SDK2: variants seen among roughly 807,000 people sequenced by gnomAD.
The protein encoded by SDK2 is sidekick cell adhesion molecule 2.
Under a neutral mutation model 253.9 loss-of-function variants are expected in SDK2, and 105 were observed. The ratio of observed to expected loss-of-function variants is 0.41; its 90% confidence interval spans 0.35 to 0.49. SDK2 has a LOEUF of 0.49. Among genes scored for constraint, SDK2 ranks in the 20% least tolerant of loss-of-function variants. The pLI is 0.06. For missense variants in SDK2, 2,608 were observed against 3,003.0 expected (o/e 0.87, Z 3.07); for synonymous variants, 1,249 against 1,234.9 (o/e 1.01, Z -0.24).
Position 73,570,356 on chromosome 17 carries a change from C to T in SDK2, c.65-62759G>A, listed in dbSNP as rs780690897. 2.6e-5 allele frequency among the ~76,000 whole-genome samples: 4 copies of T among 152,194 alleles called. No individual in the cohort carries two copies. The highest frequency in any genetic ancestry group is 5.9e-5 in the Non-Finnish European group (4 of 68,034). Reference sequence around the variant, plus strand: ...AGCTCCTGGCTCTGTTTTCTCAAATCGCAGCAGAGCATATGCTCAATAAAG... The same window carrying T: ...AGCTCCTGGCTCTGTTTTCTCAAATTGCAGCAGAGCATATGCTCAATAAAG... On this transcript the variant is annotated intron_variant, in intron 1 of 44. Transcript: ENST00000392650. The surrounding 1 kb of genome is among the most constrained non-coding windows in gnomAD (Gnocchi z 4.2).
chr17:73,397,437 A>G (rs7406467), intron 24 of SDK2, among the ~76,000 whole-genome samples: 56,347 of 151,480 alleles, frequency 0.37, 11,169 homozygotes, highest in East Asian at 0.64. Flanking sequence ...GATACGGGAG[A>G]ACTTGGGCGA....
chr17:73,391,563 C>T, intron 27 of SDK2, 25 bp from the exon 28 acceptor site: 2 of 1,227,304 alleles, frequency 1.6e-6, no homozygotes, highest in Non-Finnish European at 2.1e-6. Flanking sequence ...GGAGAGGAGG[C>T]CGACCCATGA....
Position 73,368,663 on chromosome 17 carries a change from C to T in SDK2, c.4981-70G>A. 4 of 1,324,798 alleles carry T rather than the reference C, an allele frequency of 3.0e-6. No individual in the cohort carries two copies. In the South Asian group the frequency reaches 6.2e-5, roughly 20 times the overall value. The allele number at this position is 1,324,798 out of a possible 1,614,324, so 82.1% of individuals were successfully genotyped here. ...GAGAGTCCCTCCTGTCCCTGCTGAC[C>T]TGTAGTCTCAGAGACACCTTCATTG... On this transcript the variant is annotated intron_variant, in intron 36 of 44. Transcript: ENST00000392650.
rs1027479274 is a variant in SDK2 at position 73,395,787 on chromosome 17, T to G, written c.3355-395A>C. 2.0e-5 allele frequency among the ~76,000 whole-genome samples: 3 copies of G among 152,232 alleles called. No homozygotes were observed. The highest frequency in any genetic ancestry group is 2.9e-5 in the Non-Finnish European group (2 of 68,032). On this transcript the variant is annotated intron_variant, in intron 24 of 44. Coordinates refer to ENST00000392650, the MANE Select transcript of SDK2 (RefSeq NM_001144952.2). This position sits in a 1 kb window ranked among gnomAD's most constrained non-coding sequence, Gnocchi z 4.3. ...CACACACTTAATTGCCTACCGCACCTGGTCTCAGCTCATGCCTGCCTTTGA... is the reference window on the plus strand; with the variant it reads ...CACACACTTAATTGCCTACCGCACCGGGTCTCAGCTCATGCCTGCCTTTGA...
chr17:73,390,512 C>A, intron 28 of SDK2, 31 bp from the exon 29 acceptor site: 1 of 1,574,674 alleles, frequency 6.4e-7, no homozygotes, highest in Non-Finnish European at 8.6e-7. Context: ...GCTATTATGG[C>A]AAGCAAGGCA....
chr17:73,416,148 C>T (rs1252841246), intron 16 of SDK2, among the ~76,000 whole-genome samples, 156 bp from the exon 17 acceptor site: 3 of 151,462 alleles, frequency 2.0e-5, no homozygotes, highest in African/African-American at 7.3e-5. Flanking sequence ...CCAGCACATG[C>T]AGCTGCTGAG....
chr17:73,611,046 T>C (rs2045967853), intron 1 of SDK2, among the ~76,000 whole-genome samples: 1 of 152,230 alleles, frequency 6.6e-6, no homozygotes, highest in Admixed American at 6.5e-5. Flanking sequence ...AGTCTGAAAT[T>C]GCATTTTGCT....
intron 5 of SDK2, 22 bp from the exon 6 acceptor site, chr17:73,440,945 G>C (rs1378733420): frequency 6.6e-7 from 1 of 1,506,902 alleles, no homozygotes. Flanking sequence ...TCAGATGTTA[G>C]CTGGGGGCGA....
At chr17:73,420,990 C>T (rs549167898) in intron 15 of SDK2, among the ~76,000 whole-genome samples, 23 of 152,294 alleles carry the variant, frequency 1.5e-4, no homozygotes, top group Middle Eastern at 3.4e-3. Context: ...TGACTCAGGG[C>T]GGTTTGCATG....
intron 15 of SDK2, among the ~76,000 whole-genome samples, chr17:73,420,372 C>T (rs1202898652): frequency 2.0e-5 from 3 of 152,240 alleles, no homozygotes; most frequent in East Asian, 3.8e-4. Flanking sequence ...TGCTCTTTCG[C>T]CCAGGCTGGA....
At chr17:73,495,887 C>T (rs2063838594) in intron 2 of SDK2, among the ~76,000 whole-genome samples, 1 of 152,204 alleles carries the variant, frequency 6.6e-6, no homozygotes, top group Non-Finnish European at 1.5e-5. Context: ...ATGCCACGTA[C>T]ATCTCTATTA....
chr17:73,433,913 AG>A lies in SDK2; in HGVS notation c.1196-66del, dbSNP rs968029658. The A allele has an allele frequency of 4.7e-5, 56 of 1,182,162 alleles. No individual in the cohort carries two copies. In the African/African-American group the frequency reaches 8.2e-4, roughly 17 times the overall value. 73.2% of individuals were successfully genotyped at this position (1,182,162 alleles called of 1,614,324 possible). On this transcript the variant is annotated intron_variant, in intron 9 of 44. Coordinates refer to ENST00000392650, the MANE Select transcript of SDK2 (RefSeq NM_001144952.2). ...GAGATGTCCCCCAAGCCAGAGGGCC[AG>A]GGGCCTCCAAGCCCACCGAGGGCCA...
At chr17:73,416,085 C>A in intron 16 of SDK2, 93 bp from the exon 17 acceptor site, 1 of 1,206,086 alleles carries the variant, frequency 8.3e-7, no homozygotes, top group South Asian at 1.5e-5. Context: ...TCCAATAGGA[C>A]TTCCGGTGGT....
chr17:73,415,916 C>G lies in SDK2; in HGVS notation c.2263G>C (p.Glu755Gln), dbSNP rs768931276. ...TDADVNNLLL[E>Q]DLIIWTNYEI... ...TAGTTGGTCCAAATGATGAGATCCT[C>G]CAGCAGCAGGTTGTTCACATCAGCA... The change falls in exon 17 of 45, where the codon GAG becomes CAG. Residue 755 changes from glutamate to glutamine, a missense_variant. Physicochemically the swap from Glu to Gln is conservative, Grantham distance 29. Coordinates refer to ENST00000392650, the MANE Select transcript of SDK2 (RefSeq NM_001144952.2). 2.5e-6 allele frequency: 4 copies of G among 1,609,292 alleles called. No individual in the cohort carries two copies. Among genetic ancestry groups the G allele is most frequent in the Non-Finnish European group, 3.4e-6 (4 of 1,178,026 alleles).
rs2045375326 is a variant in SDK2 at position 73,570,840 on chromosome 17, C to T, written c.65-63243G>A. 6.6e-6 allele frequency among the ~76,000 whole-genome samples: 1 copy of T among 152,172 alleles called. No individual in the cohort carries two copies. Among genetic ancestry groups the T allele is most frequent in the Non-Finnish European group, 1.5e-5 (1 of 68,028 alleles). On this transcript the variant is annotated intron_variant, in intron 1 of 44. Coordinates refer to ENST00000392650, the MANE Select transcript of SDK2 (RefSeq NM_001144952.2). The surrounding 1 kb of genome is among the most constrained non-coding windows in gnomAD (Gnocchi z 4.2). ...GAACTGAGTTTAGCCCGAAATGCTC[C>T]TCCCAGGCCTGCAGGGACATGGCTG...
intron 40 of SDK2, 187 bp downstream of exon 40, chr17:73,357,892 C>T: frequency 2.3e-6 from 2 of 875,630 alleles, no homozygotes; most frequent in Non-Finnish European, 3.8e-6. Flanking sequence ...GGTTACTTAG[C>T]TAGGAGTCCA....
At chr17:73,386,412 TGA>T (rs1568376212) in intron 31 of SDK2, 31 bp downstream of exon 31, 1 of 1,420,842 alleles carries the variant, frequency 7.0e-7, no homozygotes, top group Non-Finnish European at 9.7e-7. Context: ...GCCAGTGGGC[TGA>T]GAGAGAGACT....
intron 40 of SDK2, among the ~76,000 whole-genome samples, chr17:73,354,657 T>G (rs571747330): frequency 2.0e-5 from 3 of 152,264 alleles, no homozygotes; most frequent in South Asian, 4.2e-4. Context: ...TCTGGCCTGC[T>G]CCAGGGAGGT....
chr17:73,610,891 G>C (rs2143123393), intron 1 of SDK2, among the ~76,000 whole-genome samples: 1 of 152,230 alleles, frequency 6.6e-6, no homozygotes, highest in Admixed American at 6.5e-5. Flanking sequence ...GGGTCAGGCA[G>C]GAGTATGGAG....
Sources: gnomAD v4.1 joint callset for allele counts (sites outside exome capture counted in the v4.1 genomes callset) on GRCh38, gnomAD v4.1.1 for gene constraint, Gnocchi (gnomAD v3.1) non-coding constraint, MANE v1.5 for transcripts, NCBI Gene and HGNC (gene_info 2026-07-23, HGNC 2026-07-21) for gene names.